Variants in CUL9 observed in about 807,000 individuals in gnomAD.
CUL9 encodes the protein cullin-9.
A neutral mutation model predicts 272.6 loss-of-function variants in CUL9; 79 were observed. The observed-to-expected ratio is 0.29, with a 90% CI of 0.24 to 0.35. CUL9 has a LOEUF of 0.35. Ranked by LOEUF, CUL9 falls within the 10% of genes least tolerant of loss-of-function variation. CUL9 has a pLI of 1.00. For missense variants in CUL9, 2,532 were observed against 3,255.6 expected (o/e 0.78, Z 5.41); for synonymous variants, 1,186 against 1,286.5 (o/e 0.92, Z 1.67).
intron 7 of CUL9, 195 bp downstream of exon 7, chr6:43,188,313 ATC>A: frequency 1.3e-6 from 1 of 795,570 alleles, no homozygotes; most frequent in Non-Finnish European, 1.9e-6. Context: ...TTCCTTCAGT[ATC>A]TCTGGAAAAG....
At chr6:43,210,787 G>A (rs577675567) in intron 26 of CUL9, among the ~76,000 whole-genome samples, 18 of 152,004 alleles carry the variant, frequency 1.2e-4, no homozygotes, top group Admixed American at 9.8e-4. Flanking sequence ...TTAATTGACT[G>A]TTTCTAACTT....
chr6:43,187,157 A>G (rs1199516580), intron 5 of CUL9, 62 bp downstream of exon 5: 4 of 1,606,304 alleles, frequency 2.5e-6, no homozygotes, highest in Non-Finnish European at 3.4e-6. Context: ...ACTGGGATGA[A>G]GCCACTTCTG....
intron 8 of CUL9, 80 bp from the exon 9 acceptor site, chr6:43,192,921 G>A: frequency 7.9e-7 from 1 of 1,266,290 alleles, no homozygotes; most frequent in Admixed American, 1.7e-5. Flanking sequence ...GGATTGGTCA[G>A]GGAGTCCGAC....
intron 26 of CUL9, among the ~76,000 whole-genome samples, chr6:43,207,569 A>G (rs1468026222): frequency 3.9e-5 from 6 of 151,984 alleles, no homozygotes; most frequent in Non-Finnish European, 8.8e-5. Flanking sequence ...TTTATTACGT[A>G]TTATTTTTAT....
Position 43,196,247 on chromosome 6 carries a change from T to G in CUL9, c.2567T>G (p.Leu856Arg). 3 of 1,613,830 alleles carry G rather than the reference T, an allele frequency of 1.9e-6. No homozygotes were observed. The highest frequency in any genetic ancestry group is 2.2e-5 in the South Asian group (2 of 91,074). Residue 856 changes from leucine (L) to arginine (R), a missense_variant, in exon 10 of 41, where the codon CTG becomes CGG. Coordinates refer to ENST00000252050, the MANE Select transcript of CUL9 (RefSeq NM_015089.4). ...CTCACTGTCCCTGCAGCCGTGATCC[T>G]GATGCTGAATACTGAGGGGTCAGGG... ...LLLTVPAAVI[L>R]MLNTEGCSSA...
At chr6:43,188,291 ACCAGCGC>A (rs1773106141) in intron 7 of CUL9, 173 bp downstream of exon 7, 2 of 854,222 alleles carry the variant, frequency 2.3e-6, no homozygotes, top group South Asian at 3.7e-5. Context: ...TATTTAATTA[ACCAGCGC>A]TCCCTTCCTT....
chr6:43,219,998 G>A (rs1000662822), intron 31 of CUL9, among the ~76,000 whole-genome samples: 3 of 152,074 alleles, frequency 2.0e-5, no homozygotes, highest in African/African-American at 7.2e-5. Context: ...GTCTGTTGGA[G>A]GCATAAGTCA....
chr6:43,196,882 G>A lies in CUL9; in HGVS notation c.2803+20G>A, dbSNP rs1774045677. ...GTGCAGGTACCATTGTGGAGGGGTG[G>A]TTTTGCAGAGGAATCACACAGTGCC... On this transcript the variant is annotated intron_variant, in intron 11 of 40. Transcript: ENST00000252050. 1 of 1,602,372 alleles carries A rather than the reference G, an allele frequency of 6.2e-7. No individual in the cohort carries two copies. Among genetic ancestry groups the A allele is most frequent in the Non-Finnish European group, 8.5e-7 (1 of 1,170,460 alleles).
intron 9 of CUL9, among the ~76,000 whole-genome samples, chr6:43,194,481 G>A (rs934497164): frequency 6.6e-6 from 1 of 151,732 alleles, no homozygotes; most frequent in African/African-American, 2.4e-5. Context: ...ACCATGCCCA[G>A]CTTAATTTTT....
chr6:43,203,493 A>G lies in CUL9; in HGVS notation c.3926A>G (p.Gln1309Arg). 1 of 1,614,182 alleles carries G rather than the reference A, an allele frequency of 6.2e-7. No individual in the cohort carries two copies. The highest frequency in any genetic ancestry group is 8.5e-7 in the Non-Finnish European group (1 of 1,180,036). ...KPTFWPLFREQLCRRTCLFYT... is the reference protein window; with the variant it reads ...KPTFWPLFRERLCRRTCLFYT... ...ACATTCTGGCCACTGTTCCGGGAGC[A>G]GCTGTGTCGCCGAACATGTCTCTTC... is the stretch of plus-strand genomic sequence containing the variant. Residue 1309 changes from glutamine to arginine, a missense_variant, in exon 19 of 41, where the codon CAG becomes CGG. Around this residue, in one of 3 missense-constraint regions of CUL9, gnomAD observed 2,218 missense variants for 2,788.6 expected, o/e 0.80. Transcript: ENST00000252050. This position sits in a 1 kb window ranked among gnomAD's most constrained non-coding sequence, Gnocchi z 5.0.
intron 29 of CUL9, among the ~76,000 whole-genome samples, chr6:43,214,708 G>A (rs1241150590): frequency 6.6e-6 from 1 of 151,932 alleles, no homozygotes; most frequent in Non-Finnish European, 1.5e-5. Context: ...GGCTGAGGCG[G>A]TAGAATCACT....
Position 43,206,413 on chromosome 6 carries a change from GC to G in CUL9, c.5118del (p.Val1707SerfsTer74), listed in dbSNP as rs1203231364. 1 of 1,614,038 alleles carries G rather than the reference GC, an allele frequency of 6.2e-7. No homozygotes were observed. Among genetic ancestry groups the G allele is most frequent in the Non-Finnish European group, 8.5e-7 (1 of 1,180,036 alleles). ...TACTGGTCCTGTCACCACGCTGCTG[GC>G]CCGTCTCCCCACTCTGCTACCTGTA... ...SILVLSPRCW[P>X]VSPLCYLYHP... On this transcript the variant is annotated frameshift_variant, in exon 26 of 41. Transcript: ENST00000252050. LOFTEE classifies it high-confidence loss of function. This position sits in a 1 kb window ranked among gnomAD's most constrained non-coding sequence, Gnocchi z 4.8.
At chr6:43,201,775 G>A (rs1321862930) in intron 16 of CUL9, among the ~76,000 whole-genome samples, 10 of 152,210 alleles carry the variant, frequency 6.6e-5, no homozygotes, top group Admixed American at 6.5e-4. Context: ...CACTGCGCCC[G>A]GCCGAAAGCT....
In CUL9 at chr6:43,203,072, G is replaced by A. The variant is rs1774744430; in HGVS notation, c.3754-37G>A. The A allele has an allele frequency of 6.2e-7, 1 of 1,606,306 alleles. No individual in the cohort carries two copies. The highest frequency in any genetic ancestry group is 2.2e-5 in the East Asian group (1 of 44,864). On this transcript the variant is annotated intron_variant, in intron 17 of 40. Coordinates refer to ENST00000252050, the MANE Select transcript of CUL9 (RefSeq NM_015089.4). The surrounding 1 kb of genome is among the most constrained non-coding windows in gnomAD (Gnocchi z 5.0). ...AATTTTTCCAACCTTGTTTCTGGAG[G>A]TGACAGTTCTCTCCCTCTTCTCCCC...
At position 43,186,417 on chromosome 6, in the gene CUL9, G is replaced by A. The variant is rs745944301; in HGVS notation, c.1213G>A (p.Glu405Lys). 1.1e-5 allele frequency: 17 copies of A among 1,602,724 alleles called. No homozygotes were observed. Among genetic ancestry groups the A allele is most frequent in the East Asian group, 2.2e-5 (1 of 44,596 alleles). The change falls in exon 4 of 41, where the codon GAG (glutamate) becomes AAG (lysine). Residue 405 changes from glutamate (E) to lysine (K), a missense_variant. By Grantham distance (56) the Glu-to-Lys change is moderately conservative. Transcript: ENST00000252050. ...GGAGATCAGTGCTGGGGACGAGGGC[G>A]AGTTCCGGCAGAGCAACAACGGCAT... ...YEEISAGDEG[E>K]FRQSNNGIPP...
In CUL9 at chr6:43,206,658, T is replaced by C. The variant is rs748751635; in HGVS notation, c.5212+148T>C. 3 of 664,434 alleles carry C rather than the reference T, an allele frequency of 4.5e-6. No individual in the cohort carries two copies. The highest frequency in any genetic ancestry group is 7.5e-6 in the Non-Finnish European group (3 of 398,076). The allele number at this position is 664,434 out of a possible 1,614,324, so 41.2% of individuals were successfully genotyped here. A position where few individuals can be genotyped will look rare whatever the true frequency, so the allele number is the denominator to read the frequency against. ...TGAGAAAGCATGGGTTGTAGTTTCA[T>C]TAATTTCTGCTCTCATCAGTTTCTT... is the stretch of plus-strand genomic sequence containing the variant. On this transcript the variant is annotated intron_variant, in intron 26 of 40. Transcript: ENST00000252050. This position sits in a 1 kb window ranked among gnomAD's most constrained non-coding sequence, Gnocchi z 4.8.
rs200298817 is a variant in CUL9, at chr6:43,187,024, C to T, written c.1316C>T (p.Pro439Leu). The T allele has an allele frequency of 2.7e-5, 44 of 1,614,078 alleles. No homozygotes were observed. The Middle Eastern group carries it at 6.6e-4, about 24-fold the overall frequency. The change falls in exon 5 of 41, where the codon CCT becomes CTT. Residue 439 changes from proline (P) to leucine (L), a missense_variant. Pro to Leu is a moderately conservative substitution (Grantham distance 98, BLOSUM62 -3). This residue lies in a region of CUL9 where 2,218 missense variants were observed against 2,788.6 expected (regional missense o/e 0.80). Transcript: ENST00000252050. ...VHWHMLEILG[P>L]EEATEDKASA... ...TGGCACATGCTGGAGATCCTGGGCC[C>T]TGAGGAAGCCACTGAGGATAAGGCT...
chr6:43,220,770 CTATGTGGAGAGCTGCTCCA>C lies in CUL9; in HGVS notation c.6448_6466del (p.Tyr2150ThrfsTer2). ...AGTATGAGAAGGCGCTCCTGCGTGG[CTATGTGGAGAGCTGCTCCA>C]ACCTGACCTGGTGCACCAACCCCCA... On this transcript the variant is annotated frameshift_variant, in exon 33 of 41. Transcript: ENST00000252050. LOFTEE classifies it high-confidence loss of function. This position sits in a 1 kb window ranked among gnomAD's most constrained non-coding sequence, Gnocchi z 4.9. 1 of 1,613,114 alleles carries C rather than the reference CTATGTGGAGAGCTGCTCCA, an allele frequency of 6.2e-7. No homozygotes were observed. The highest frequency in any genetic ancestry group is 8.5e-7 in the Non-Finnish European group (1 of 1,179,956).
rs1255410643 is a variant in CUL9 at position 43,213,017 on chromosome 6, ATC to A, written c.5213-126_5213-125del. On this transcript the variant is annotated intron_variant, in intron 26 of 40. Transcript: ENST00000252050. This position sits in a 1 kb window ranked among gnomAD's most constrained non-coding sequence, Gnocchi z 5.7. ...CTGAGATCTGGAAGCTTGACAAGGT[ATC>A]TCTCTGTCTGAAAATGCTGGGGCCC... 3.1e-6 allele frequency: 3 copies of A among 961,196 alleles called. No individual in the cohort carries two copies. The highest frequency in any genetic ancestry group is 4.6e-6 in the Non-Finnish European group (3 of 650,432). The allele number at this position is 961,196 out of a possible 1,614,324, so 59.5% of individuals were successfully genotyped here. A position where few individuals can be genotyped will look rare whatever the true frequency, so the allele number is the denominator to read the frequency against.
Sources: gnomAD v4.1 joint callset for allele counts (sites outside exome capture counted in the v4.1 genomes callset) on GRCh38, gnomAD v4.1.1 for gene constraint, gnomAD v4.1.1 regional missense constraint, Gnocchi (gnomAD v3.1) non-coding constraint, MANE v1.5 for transcripts, NCBI Gene and HGNC (gene_info 2026-07-23, HGNC 2026-07-21) for gene names.